The following AMZ1 variants were observed in gnomAD, a reference collection of about 807,000 sequenced individuals.
AMZ1 encodes the protein archaelysin family metallopeptidase 1, also known as archaemetzincin-1.
Under a neutral mutation model 29.9 loss-of-function variants are expected in AMZ1, and 39 were observed. That is an observed-to-expected ratio of 1.30 (90% CI 1.01 to 1.70). The LOEUF (loss-of-function observed/expected upper bound fraction) is 1.70. AMZ1 is among the 40% of genes most tolerant of loss of function. AMZ1 has a pLI of 0.00. For missense variants in AMZ1, 1,041 were observed against 680.6 expected (o/e 1.53, Z -5.89); for synonymous variants, 458 against 304.0 (o/e 1.51, Z -5.27).
At chr7:2,734,888 C>T (rs1286364509) in intron 4 of AMZ1, among the ~76,000 whole-genome samples, 2 of 152,188 alleles carry the variant, frequency 1.3e-5, no homozygotes, top group Non-Finnish European at 2.9e-5. Context: ...GTAGGGAAGG[C>T]ATCGGGAGTG....
In AMZ1 at chr7:2,717,152, T is replaced by G. The variant is rs1008528245; in HGVS notation, c.*4274T>G. On this transcript the variant is annotated 3_prime_UTR_variant, in exon 7 of 7. Coordinates refer to ENST00000683327, the MANE Select transcript of AMZ1 (RefSeq NM_001384743.1). ...TTCGGACTCTGAGGAGAGGCCTGGGTGGGTGGCCGGCACTCTTAGGTGAGG... is the reference window on the plus strand; with the variant it reads ...TTCGGACTCTGAGGAGAGGCCTGGGGGGGTGGCCGGCACTCTTAGGTGAGG... Among the ~76,000 whole-genome samples the G allele has an allele frequency of 1.3e-5, 2 of 152,074 alleles. No homozygotes were observed. The highest frequency in any genetic ancestry group is 6.5e-5 in the Admixed American group (1 of 15,274).
chr7:2,712,422 C>T lies in AMZ1; in HGVS notation c.1041C>T (p.Ser347=), dbSNP rs138289306. Residue 347 remains serine, a synonymous_variant, in exon 7 of 7, where the codon AGC becomes AGT. Coordinates refer to ENST00000683327, the MANE Select transcript of AMZ1 (RefSeq NM_001384743.1). Reference sequence around the variant, plus strand: ...TGTGGGAGGACACCCCGCCTGCCAGCGCCGACTCGGGCATGTGCTGTGAGA... The same window carrying T: ...TGTGGGAGGACACCCCGCCTGCCAGTGCCGACTCGGGCATGTGCTGTGAGA... ...PSVWEDTPPA[S]ADSGMCCESD... is the part of the protein sequence containing the mutation. The T allele has an allele frequency of 9.1e-5, 147 of 1,611,846 alleles. No individual in the cohort carries two copies. Among genetic ancestry groups the T allele is most frequent in the South Asian group, 6.5e-4 (59 of 90,992 alleles).
intron 3 of AMZ1, among the ~76,000 whole-genome samples, chr7:2,707,553 C>T (rs981303814): frequency 7.2e-5 from 11 of 152,140 alleles, no homozygotes; most frequent in Admixed American, 1.3e-4. Context: ...ACTCATGCTC[C>T]GGGGAACCAT....
intron 4 of AMZ1, chr7:2,733,623 G>A: frequency 3.2e-5 from 23 of 720,334 alleles, no homozygotes; most frequent in Admixed American, 2.0e-4. Flanking sequence ...GGAAAGCAAA[G>A]GAAAAAGGCA....
At chr7:2,763,450 G>C (rs574518965), upstream of AMZ1, 1 of 152,346 alleles carries the variant, frequency 6.6e-6, no homozygotes, top group Non-Finnish European at 1.5e-5. Flanking sequence ...CAAAGGTTTT[G>C]TCTGGAAAAG....
intron 4 of AMZ1, among the ~76,000 whole-genome samples, chr7:2,734,659 C>A (rs1466566795): frequency 6.6e-6 from 1 of 152,236 alleles, no homozygotes; most frequent in African/African-American, 2.4e-5. Context: ...GAGGAAGCTC[C>A]TTCAGGGAGG....
chr7:2,725,769 A>T (rs1344364991), intron 4 of AMZ1, among the ~76,000 whole-genome samples: 1 of 152,238 alleles, frequency 6.6e-6, no homozygotes, highest in Non-Finnish European at 1.5e-5. Flanking sequence ...TTTCTTGGGA[A>T]ACCTAACGCT....
rs1789192568 is a variant in AMZ1, at chr7:2,717,412, G to T, written c.*4534G>T. Among the ~76,000 whole-genome samples the T allele has an allele frequency of 6.6e-6, 1 of 152,178 alleles. No individual in the cohort carries two copies. The highest frequency in any genetic ancestry group is 1.5e-5 in the Non-Finnish European group (1 of 68,036). On this transcript the variant is annotated 3_prime_UTR_variant, in exon 7 of 7. Transcript: ENST00000683327. ...CCAGTAAGAGTGAGAGACTCACGGG[G>T]GCCTGGCTGCCGTCCTGGGAGAGGC...
At chr7:2,737,830 G>C (rs78675010) in intron 4 of AMZ1, among the ~76,000 whole-genome samples, 3,844 of 152,302 alleles carry the variant, frequency 0.025, 118 homozygotes, top group Middle Eastern at 0.075. Flanking sequence ...AAATATTAAA[G>C]TTAGCATTTG....
chr7:2,758,660 C>A (rs798494), intron 4 of AMZ1, among the ~76,000 whole-genome samples: 37,531 of 152,080 alleles, frequency 0.25, 5,219 homozygotes, highest in Non-Finnish European at 0.29. Flanking sequence ...CCACAGCACA[C>A]TTGGAGGAAC....
chr7:2,706,885 C>T lies in AMZ1; in HGVS notation c.473-1703C>T, dbSNP rs114737018. Among the ~76,000 whole-genome samples, 1,103 of 141,186 alleles carry T rather than the reference C, an allele frequency of 7.8e-3. 15 individuals are homozygous for T. Among genetic ancestry groups the T allele is most frequent in the African/African-American group, 0.034 (1,055 of 31,126 alleles). 92.6% of individuals were successfully genotyped at this position (141,186 alleles called of 152,430 possible). ...TCAATTACCCAGCTGCTCAGGAGGC[C>T]GAGGCAGGAAGATTGCTTGAGCCCA... On this transcript the variant is annotated intron_variant, in intron 3 of 6. Transcript: ENST00000683327.
At chr7:2,711,089 G>A (rs1788744757) in intron 6 of AMZ1, among the ~76,000 whole-genome samples, 1 of 152,228 alleles carries the variant, frequency 6.6e-6, no homozygotes. Flanking sequence ...CTGGATCTGA[G>A]CTGGAGGGTG....
chr7:2,680,933 A>C (rs1042255815), intron 1 of AMZ1, among the ~76,000 whole-genome samples: 2 of 152,232 alleles, frequency 1.3e-5, no homozygotes, highest in Non-Finnish European at 2.9e-5. Flanking sequence ...GTCACCAGAC[A>C]CCAGGCCTTC....
chr7:2,761,175 A>C (rs557776906), upstream of AMZ1, among the ~76,000 whole-genome samples: 87 of 152,268 alleles, frequency 5.7e-4, no homozygotes, highest in Non-Finnish European at 1.1e-3. Flanking sequence ...TCACCGAGCC[A>C]CCGTGCACGG....
upstream of AMZ1, among the ~76,000 whole-genome samples, chr7:2,761,990 T>C (rs1791580104): frequency 6.6e-6 from 1 of 152,026 alleles, no homozygotes; most frequent in Non-Finnish European, 1.5e-5. Context: ...CAGCCTAACC[T>C]CACCGAGGCC....
In AMZ1 at chr7:2,715,926, TAA is replaced by T. The variant is rs1024238663; in HGVS notation, c.*3050_*3051del. ...ACAGGGCCACGGTTCTTTCAGTTTT[TAA>T]ACACGTGCAAAGTCCACTGAATTGC... On this transcript the variant is annotated 3_prime_UTR_variant, in exon 7 of 7. Coordinates refer to ENST00000683327, the MANE Select transcript of AMZ1 (RefSeq NM_001384743.1). 1.2e-4 allele frequency: 18 copies of T among 152,294 alleles called. No individual in the cohort carries two copies. Among genetic ancestry groups the T allele is most frequent in the African/African-American group, 4.3e-4 (18 of 41,554 alleles). 9.4% of individuals were successfully genotyped at this position (152,294 alleles called of 1,614,324 possible).
chr7:2,689,540 G>A (rs1019502945), intron 1 of AMZ1, among the ~76,000 whole-genome samples: 1 of 152,198 alleles, frequency 6.6e-6, no homozygotes, highest in Non-Finnish European at 1.5e-5. Context: ...GAACATCCCT[G>A]CTCCAGGAGC....
chr7:2,733,612 G>A, intron 4 of AMZ1: 6 of 785,654 alleles, frequency 7.6e-6, no homozygotes, highest in Non-Finnish European at 1.3e-5. Flanking sequence ...CCGTGTGAAT[G>A]GGAAAGCAAA....
chr7:2,763,165 G>T, upstream of AMZ1: 4 of 1,084,802 alleles, frequency 3.7e-6, no homozygotes, highest in Non-Finnish European at 4.5e-6. Flanking sequence ...CTGACAAGAG[G>T]TTAGCAGGAC....
Sources: gnomAD v4.1 joint callset for allele counts (sites outside exome capture counted in the v4.1 genomes callset) on GRCh38, gnomAD v4.1.1 for gene constraint, MANE v1.5 for transcripts, NCBI Gene and HGNC (gene_info 2026-07-23, HGNC 2026-07-21) for gene names.